KLF12: variants seen among roughly 807,000 people sequenced by gnomAD.
The protein encoded by KLF12 is KLF transcription factor 12.
A neutral mutation model predicts 37.8 loss-of-function variants in KLF12; 9 were observed. That is an observed-to-expected ratio of 0.24 (90% CI 0.14 to 0.42). The LOEUF (loss-of-function observed/expected upper bound fraction) is 0.42. Among genes scored for constraint, KLF12 ranks in the 10% least tolerant of loss-of-function variants. KLF12 has a pLI of 1.00. For missense variants in KLF12, 411 were observed against 516.0 expected (o/e 0.80, Z 1.97); for synonymous variants, 208 against 202.1 (o/e 1.03, Z -0.25).
intron 2 of KLF12, among the ~76,000 whole-genome samples, chr13:73,969,120 G>A (rs546472756): frequency 2.0e-4 from 30 of 152,064 alleles, no homozygotes; most frequent in African/African-American, 7.0e-4. Flanking sequence ...ATGCTGGGTG[G>A]GTGCTGCATC....
chr13:74,260,628 T>A, the KLF12 span, among the ~76,000 whole-genome samples: 30 of 140,052 alleles, frequency 2.1e-4, no homozygotes, highest in African/African-American at 7.8e-4. Context: ...TAAAATAAAA[T>A]AGTGAATTAA....
the KLF12 span, among the ~76,000 whole-genome samples, chr13:74,238,643 T>A: frequency 6.8e-6 from 1 of 146,746 alleles, no homozygotes; most frequent in Non-Finnish European, 1.5e-5. Context: ...ATTCAGAGAT[T>A]CAACTTCTTC....
At chr13:74,071,651 C>A (rs750673639) in intron 1 of KLF12, among the ~76,000 whole-genome samples, 144 of 152,276 alleles carry the variant, frequency 9.5e-4, no homozygotes, top group Admixed American at 1.5e-3. Flanking sequence ...CAAGATCGCA[C>A]CACTGCACTC....
chr13:73,860,690 G>A (rs1200946612), intron 3 of KLF12, among the ~76,000 whole-genome samples: 1 of 152,142 alleles, frequency 6.6e-6, no homozygotes, highest in East Asian at 1.9e-4. Flanking sequence ...GCTGCACTGA[G>A]CTATGATTGC....
chr13:74,190,602 C>T, the KLF12 span, among the ~76,000 whole-genome samples: 1,057 of 152,224 alleles, frequency 6.9e-3, 15 homozygotes, highest in African/African-American at 0.024. Flanking sequence ...AATCTGCTTC[C>T]TCAATTAATA....
At chr13:73,928,106 T>C (rs9600188) in intron 3 of KLF12, among the ~76,000 whole-genome samples, 32,613 of 152,202 alleles carry the variant, frequency 0.21, 4,673 homozygotes, top group East Asian at 0.58. Context: ...TCTGCCTGCC[T>C]CAGCCTCCCA....
intron 3 of KLF12, among the ~76,000 whole-genome samples, chr13:73,918,116 T>A (rs1888932680): frequency 6.6e-6 from 1 of 151,848 alleles, no homozygotes; most frequent in African/African-American, 2.4e-5. Flanking sequence ...CACATATCTA[T>A]GTATACAGAG....
At chr13:74,294,005 C>G in the KLF12 span, among the ~76,000 whole-genome samples, 1 of 152,182 alleles carries the variant, frequency 6.6e-6, no homozygotes. Flanking sequence ...TAGATTAGTG[C>G]TTCTTAAACT....
chr13:74,084,871 T>C (rs1369695767), intron 1 of KLF12, among the ~76,000 whole-genome samples: 2 of 152,158 alleles, frequency 1.3e-5, no homozygotes, highest in African/African-American at 2.4e-5. Context: ...TGAAAGCCAG[T>C]GTGCTAATAA....
chr13:73,792,750 C>T (rs1312571098), intron 5 of KLF12, among the ~76,000 whole-genome samples: 1 of 151,980 alleles, frequency 6.6e-6, no homozygotes, highest in Non-Finnish European at 1.5e-5. Flanking sequence ...ACACAATTAC[C>T]TAGAAGCATG....
intron 7 of KLF12, among the ~76,000 whole-genome samples, chr13:73,706,136 AGAGT>A (rs1874929795): frequency 6.6e-6 from 1 of 152,218 alleles, no homozygotes; most frequent in South Asian, 2.1e-4. Context: ...GCCTGGCGAC[AGAGT>A]GAGACTCCAT....
intron 1 of KLF12, among the ~76,000 whole-genome samples, chr13:74,067,677 G>C (rs542957066): frequency 4.1e-5 from 6 of 146,498 alleles, no homozygotes; most frequent in Non-Finnish European, 6.0e-5. Context: ...TCAACAGACA[G>C]TAACCAACCA....
chr13:73,832,673 G>C (rs1436589220), intron 4 of KLF12, among the ~76,000 whole-genome samples: 1 of 152,316 alleles, frequency 6.6e-6, no homozygotes, highest in East Asian at 1.9e-4. Context: ...TTTTATGGAT[G>C]CAACAAATGG....
intron 6 of KLF12, among the ~76,000 whole-genome samples, chr13:73,742,436 T>A (rs1315192687): frequency 6.6e-6 from 1 of 152,194 alleles, no homozygotes; most frequent in Non-Finnish European, 1.5e-5. Context: ...GGTATTCAAA[T>A]CTTAATAGTT....
chr13:73,927,944 G>A (rs1423840985), intron 3 of KLF12, among the ~76,000 whole-genome samples: 25 of 148,862 alleles, frequency 1.7e-4, no homozygotes, highest in Non-Finnish European at 1.5e-4. Context: ...TGCAACCTCC[G>A]CCTCCCGGGT....
At chr13:74,001,063 G>GT (rs1892269026) in intron 1 of KLF12, among the ~76,000 whole-genome samples, 3 of 152,262 alleles carry the variant, frequency 2.0e-5, no homozygotes, top group Admixed American at 2.0e-4. Context: ...GGACATGCAC[G>GT]TAAGTACCAT....
At chr13:74,273,223 G>A in the KLF12 span, among the ~76,000 whole-genome samples, 152 of 152,246 alleles carry the variant, frequency 1.0e-3, no homozygotes, top group African/African-American at 3.6e-3. Context: ...GCCAGATTTT[G>A]TTTGTTTGAA....
intron 2 of KLF12, among the ~76,000 whole-genome samples, chr13:73,977,137 G>A (rs542374066): frequency 2.0e-5 from 3 of 148,912 alleles, no homozygotes; most frequent in Non-Finnish European, 4.4e-5. Flanking sequence ...TGCAATCTCC[G>A]CTTCCCAGGC....
the KLF12 span, among the ~76,000 whole-genome samples, chr13:74,219,178 A>G: frequency 2.6e-5 from 4 of 152,084 alleles, no homozygotes; most frequent in East Asian, 7.8e-4. Context: ...CTGGTCCTGA[A>G]CTCCCGACCT....
Sources: gnomAD v4.1 joint callset for allele counts (sites outside exome capture counted in the v4.1 genomes callset) on GRCh38, gnomAD v4.1.1 for gene constraint, MANE v1.5 for transcripts, NCBI Gene and HGNC (gene_info 2026-07-23, HGNC 2026-07-21) for gene names.